Variants in SCHIP1 observed in about 807,000 individuals in gnomAD.
SCHIP1 encodes the protein schwannomin-interacting protein 1.
In SCHIP1, 8 loss-of-function variants were observed where a neutral mutation model predicts 29.7. That is an observed-to-expected ratio of 0.27 (90% confidence interval 0.16 to 0.49). The LOEUF is 0.49. Ranked by LOEUF, SCHIP1 falls within the 20% of genes least tolerant of loss-of-function variation. The probability of loss-of-function intolerance (pLI) is 0.99; values close to 1 mark genes in which losing one functional copy is unlikely to be tolerated. For synonymous variants in SCHIP1, 76 were observed against 94.9 expected, an observed-to-expected ratio of 0.80 and a Z score of 1.16; for missense variants, 193 against 294.6, an observed-to-expected ratio of 0.66 and a Z score of 2.52.
chr3:159,505,412 G>T, the SCHIP1 span, among the ~76,000 whole-genome samples: 1 of 152,140 alleles, frequency 6.6e-6, no homozygotes, highest in Non-Finnish European at 1.5e-5. Context: ...AGGAGAACAA[G>T]GTTGGGGGAC....
chr3:159,506,267 T>TC, the SCHIP1 span, among the ~76,000 whole-genome samples: 9 of 152,330 alleles, frequency 5.9e-5, no homozygotes, highest in South Asian at 2.1e-4. Flanking sequence ...ATAAATGTCT[T>TC]ATTTGAGAAG....
At chr3:159,460,906 A>G in the SCHIP1 span, among the ~76,000 whole-genome samples, 3 of 152,152 alleles carry the variant, frequency 2.0e-5, no homozygotes, top group Non-Finnish European at 2.9e-5. Context: ...CCTTTGCCAT[A>G]TTGCAAAGTA....
the SCHIP1 span, among the ~76,000 whole-genome samples, chr3:159,717,814 G>A: frequency 1.3e-5 from 2 of 152,168 alleles, no homozygotes; most frequent in African/African-American, 4.8e-5. Context: ...AAGAGGAGCT[G>A]GTACCATTCC....
chr3:159,365,491 A>G, the SCHIP1 span, among the ~76,000 whole-genome samples: 1 of 152,240 alleles, frequency 6.6e-6, no homozygotes, highest in African/African-American at 2.4e-5. Flanking sequence ...TATGTATTAT[A>G]TTTATATAAA....
At chr3:159,528,167 C>A in the SCHIP1 span, among the ~76,000 whole-genome samples, 2 of 152,184 alleles carry the variant, frequency 1.3e-5, no homozygotes, top group African/African-American at 2.4e-5. Context: ...TGTTTAAATT[C>A]ATGCAGTCCT....
chr3:159,839,929 C>G, exon 1 of SCHIP1: 1 of 1,407,522 alleles, frequency 7.1e-7, no homozygotes. Context: ...CCAGCCCGGT[C>G]CCAGCTCCAT....
At chr3:159,480,728 T>C in the SCHIP1 span, among the ~76,000 whole-genome samples, 1 of 152,182 alleles carries the variant, frequency 6.6e-6, no homozygotes, top group South Asian at 2.1e-4. Context: ...TGACTCATGA[T>C]AACCTAGGCA....
At chr3:159,528,020 T>G in the SCHIP1 span, among the ~76,000 whole-genome samples, 1 of 152,216 alleles carries the variant, frequency 6.6e-6, no homozygotes, top group Non-Finnish European at 1.5e-5. Flanking sequence ...CAAGTCAAAT[T>G]TTATATGTCT....
At chr3:159,296,816 C>G in the SCHIP1 span, among the ~76,000 whole-genome samples, 1 of 151,934 alleles carries the variant, frequency 6.6e-6, no homozygotes, top group East Asian at 1.9e-4. Flanking sequence ...AAATTTCAAG[C>G]AAACAATACA....
the SCHIP1 span, among the ~76,000 whole-genome samples, chr3:159,282,047 A>C: frequency 1.3e-5 from 2 of 152,116 alleles, no homozygotes; most frequent in African/African-American, 4.8e-5. Flanking sequence ...GTACAGTGTG[A>C]ATGAGTAATA....
chr3:159,533,480 G>T, the SCHIP1 span, among the ~76,000 whole-genome samples: 30 of 152,186 alleles, frequency 2.0e-4, 1 homozygote, highest in Middle Eastern at 0.014. Flanking sequence ...ATTATTTTGG[G>T]TTTTTTTCTC....
the SCHIP1 span, among the ~76,000 whole-genome samples, chr3:159,669,936 G>C: frequency 6.6e-6 from 1 of 152,210 alleles, no homozygotes; most frequent in African/African-American, 2.4e-5. Context: ...TGTCGTCAGG[G>C]AGCTGCGTGA....
the SCHIP1 span, among the ~76,000 whole-genome samples, chr3:159,828,421 A>ATATATATACG: frequency 0.034 from 3,232 of 95,414 alleles, 173 homozygotes; most frequent in Non-Finnish European, 0.055. Flanking sequence ...ATATATACGT[A>ATATATATACG]TATATATACG....
At chr3:159,518,944 G>A in the SCHIP1 span, among the ~76,000 whole-genome samples, 76 of 152,000 alleles carry the variant, frequency 5.0e-4, no homozygotes, top group African/African-American at 1.4e-3. Flanking sequence ...AAATTTACAC[G>A]TCAAAGCCAA....
At chr3:159,637,297 G>A in the SCHIP1 span, among the ~76,000 whole-genome samples, 1 of 151,830 alleles carries the variant, frequency 6.6e-6, no homozygotes. Flanking sequence ...GACTTACTGT[G>A]GGGAACAGAC....
the SCHIP1 span, among the ~76,000 whole-genome samples, chr3:159,629,844 A>G: frequency 6.6e-6 from 1 of 152,228 alleles, no homozygotes; most frequent in Admixed American, 6.5e-5. Context: ...GAGAATACAA[A>G]GACCAATAAG....
chr3:159,820,342 G>A, the SCHIP1 span, among the ~76,000 whole-genome samples: 1 of 152,032 alleles, frequency 6.6e-6, no homozygotes, highest in Non-Finnish European at 1.5e-5. Context: ...TAAGTATTAG[G>A]AACTTATTCC....
chr3:159,561,113 T>C, the SCHIP1 span, among the ~76,000 whole-genome samples: 1 of 152,232 alleles, frequency 6.6e-6, no homozygotes, highest in Non-Finnish European at 1.5e-5. Context: ...CTTTGTAAAG[T>C]GTATTCTTAC....
At chr3:159,341,823 G>A in the SCHIP1 span, among the ~76,000 whole-genome samples, 2 of 152,054 alleles carry the variant, frequency 1.3e-5, no homozygotes, top group Non-Finnish European at 2.9e-5. Context: ...ACTGATGATT[G>A]TGGTTATCAA....
Sources: gnomAD v4.1 joint callset for allele counts (sites outside exome capture counted in the v4.1 genomes callset) on GRCh38, gnomAD v4.1.1 for gene constraint, MANE v1.5 for transcripts, NCBI Gene and HGNC (gene_info 2026-07-23, HGNC 2026-07-21) for gene names.